Variants in EDA observed in about 807,000 individuals in gnomAD.
The protein encoded by EDA is ectodysplasin-A.
In EDA, 2 loss-of-function variants were observed where a neutral mutation model predicts 23.6. The ratio of observed to expected loss-of-function variants is 0.08; its 90% confidence interval spans 0.03 to 0.27. The LOEUF is 0.27. EDA is among the 10% of genes least tolerant of loss of function. The probability of loss-of-function intolerance (pLI) is 1.00; values close to 1 mark genes in which losing one functional copy is unlikely to be tolerated. For synonymous variants in EDA, 131 were observed against 132.0 expected, an observed-to-expected ratio of 0.99 and a Z score of 0.05; for missense variants, 229 against 324.2, an observed-to-expected ratio of 0.71 and a Z score of 2.26.
intron 1 of EDA, among the ~76,000 whole-genome samples, chrX:69,663,295 C>T (rs1410807945): frequency 8.9e-6 from 1 of 111,896 alleles, no homozygotes; most frequent in African/African-American, 3.3e-5. Context: ...CAGGGATCCC[C>T]CTGCTGTATG....
At chrX:69,983,725 A>C (rs1316461422) in intron 2 of EDA, among the ~76,000 whole-genome samples, 1 of 73,484 alleles carries the variant, frequency 1.4e-5, no homozygotes, top group African/African-American at 5.4e-5. Context: ...TGAATCTGAC[A>C]ATTATGTGTC....
Position 69,750,769 on chromosome X carries a change from G to A in EDA, c.396+134065G>A, listed in dbSNP as rs775010563. ...GATTTTGACTCGCATTTCTCTAATGGCCAGTGATGATGAGCATTTTTTCAT... is the reference window on the plus strand; with the variant it reads ...GATTTTGACTCGCATTTCTCTAATGACCAGTGATGATGAGCATTTTTTCAT... On this transcript the variant is annotated intron_variant, in intron 1 of 7. Coordinates refer to ENST00000374552, the MANE Select transcript of EDA (RefSeq NM_001399.5). Among the ~76,000 whole-genome samples, 6 of 111,927 alleles carry A rather than the reference G, an allele frequency of 5.4e-5. No homozygotes were observed. In the East Asian group the frequency reaches 1.7e-3, roughly 32 times the overall value.
At chrX:69,627,095 A>G (rs746878397) in intron 1 of EDA, among the ~76,000 whole-genome samples, 1 of 111,363 alleles carries the variant, frequency 9.0e-6, no homozygotes, top group Non-Finnish European at 1.9e-5. Flanking sequence ...ACAAAGCCCT[A>G]TGGGTGATTT....
intron 1 of EDA, among the ~76,000 whole-genome samples, chrX:69,932,997 A>G (rs184727404): frequency 9.1e-5 from 10 of 110,124 alleles, no homozygotes; most frequent in Admixed American, 7.7e-4. Context: ...AACTATAGAC[A>G]GTATCTCTTA....
intron 1 of EDA, among the ~76,000 whole-genome samples, chrX:69,896,438 G>A (rs1305063952): frequency 1.9e-5 from 2 of 105,802 alleles, no homozygotes; most frequent in African/African-American, 7.3e-5. Flanking sequence ...TGTGTAGGTT[G>A]AGAAAGGCTG....
intron 1 of EDA, among the ~76,000 whole-genome samples, chrX:69,927,125 T>C (rs1277245598): frequency 1.8e-5 from 2 of 111,754 alleles, no homozygotes; most frequent in African/African-American, 6.5e-5. Context: ...GTCTGTGTCT[T>C]TTAATTGGGC....
chrX:69,665,220 C>T (rs1602267448), intron 1 of EDA, among the ~76,000 whole-genome samples: 1 of 112,185 alleles, frequency 8.9e-6, no homozygotes, highest in East Asian at 2.8e-4. Flanking sequence ...AATCTCTTGT[C>T]AGATATATGA....
Position 69,702,258 on chromosome X carries a change from G to A in EDA, c.396+85554G>A, listed in dbSNP as rs181719473. ...CTGAGTGAGTACAGGTGGGAGAGAA[G>A]GAAGAAGCCGGAAGTGGTTCTTGCC... On this transcript the variant is annotated intron_variant, in intron 1 of 7. Coordinates refer to ENST00000374552, the MANE Select transcript of EDA (RefSeq NM_001399.5). Among the ~76,000 whole-genome samples the A allele has an allele frequency of 1.5e-4, 17 of 110,882 alleles. No individual in the cohort carries two copies. In the East Asian group the frequency reaches 4.9e-3, roughly 32 times the overall value.
At chrX:69,669,716 G>T (rs1227320178) in intron 1 of EDA, among the ~76,000 whole-genome samples, 1 of 109,650 alleles carries the variant, frequency 9.1e-6, no homozygotes, top group Non-Finnish European at 1.9e-5. Context: ...GTGTAGGTTT[G>T]TTAACTGGGA....
At chrX:69,900,435 TA>T (rs2018081885) in intron 1 of EDA, among the ~76,000 whole-genome samples, 2 of 107,442 alleles carry the variant, frequency 1.9e-5, no homozygotes, top group Non-Finnish European at 3.8e-5. Flanking sequence ...ATGATATATA[TA>T]TTTTAATACA....
intron 1 of EDA, among the ~76,000 whole-genome samples, chrX:69,945,328 A>G (rs1470975021): frequency 2.7e-5 from 3 of 111,712 alleles, no homozygotes; most frequent in African/African-American, 9.8e-5. Flanking sequence ...AGGAGCTAAA[A>G]CTGTTTGGTT....
At chrX:69,791,274 G>T (rs1298811151) in intron 1 of EDA, among the ~76,000 whole-genome samples, 2 of 112,044 alleles carry the variant, frequency 1.8e-5, no homozygotes, top group African/African-American at 6.5e-5. Context: ...AAAATAATAA[G>T]AAACATTTAT....
At chrX:69,912,342 G>A (rs2018278574) in intron 1 of EDA, among the ~76,000 whole-genome samples, 1 of 111,812 alleles carries the variant, frequency 8.9e-6, no homozygotes, top group Non-Finnish European at 1.9e-5. Context: ...CATGAGTCAT[G>A]AATATGCTTA....
intron 2 of EDA, among the ~76,000 whole-genome samples, chrX:69,993,630 C>T (rs1169414943): frequency 1.8e-5 from 2 of 112,060 alleles, no homozygotes; most frequent in African/African-American, 3.2e-5. Context: ...CCAAGGAAAG[C>T]TCACAGCCCT....
In EDA at chrX:69,827,124, C is replaced by T. The variant is rs1331346406; in HGVS notation, c.397-129903C>T. Among the ~76,000 whole-genome samples the T allele has an allele frequency of 6.3e-5, 7 of 111,674 alleles. No individual in the cohort carries two copies. The South Asian group carries it at 2.3e-3, about 36-fold the overall frequency. On this transcript the variant is annotated intron_variant, in intron 1 of 7. Coordinates refer to ENST00000374552, the MANE Select transcript of EDA (RefSeq NM_001399.5). ...GTAACCCGACCTTTCTCTCTGGCTG[C>T]CCTTAACATTTTTTCTTTCATTTCA...
intron 1 of EDA, among the ~76,000 whole-genome samples, chrX:69,676,935 G>A (rs772384805): frequency 2.0e-5 from 2 of 100,280 alleles, no homozygotes; most frequent in East Asian, 3.4e-4. Flanking sequence ...CCACTAACTC[G>A]TCATCTAGCA....
At chrX:69,993,149 A>T (rs1027159763) in intron 2 of EDA, among the ~76,000 whole-genome samples, 2 of 110,309 alleles carry the variant, frequency 1.8e-5, no homozygotes, top group African/African-American at 6.6e-5. Context: ...AAAAACCCTT[A>T]AAAAACCCTT....
intron 1 of EDA, among the ~76,000 whole-genome samples, chrX:69,771,425 G>T (rs760616926): frequency 1.8e-5 from 2 of 111,241 alleles, no homozygotes; most frequent in Non-Finnish European, 3.8e-5. Context: ...AAACAAACTA[G>T]ATGCAAAAGG....
At position 69,858,822 on chromosome X, in the gene EDA, G is replaced by A. The variant is rs776517829; in HGVS notation, c.397-98205G>A. Among the ~76,000 whole-genome samples, 4 of 111,418 alleles carry A rather than the reference G, an allele frequency of 3.6e-5. No individual in the cohort carries two copies. The South Asian group carries it at 1.5e-3, about 42-fold the overall frequency. On this transcript the variant is annotated intron_variant, in intron 1 of 7. Transcript: ENST00000374552. ...GTAGGCATGAAACCAACTCTTCTTTGTACATCTCGTAGAAACCAGCTATGA... is the reference window on the plus strand; with the variant it reads ...GTAGGCATGAAACCAACTCTTCTTTATACATCTCGTAGAAACCAGCTATGA...
Sources: gnomAD v4.1 joint callset for allele counts (sites outside exome capture counted in the v4.1 genomes callset) on GRCh38, gnomAD v4.1.1 for gene constraint, MANE v1.5 for transcripts, NCBI Gene and HGNC (gene_info 2026-07-23, HGNC 2026-07-21) for gene names.